Variants in TENM3 observed in about 807,000 individuals in gnomAD.
The protein encoded by TENM3 is teneurin-3.
In TENM3, 63 loss-of-function variants were observed where a neutral mutation model predicts 255.1. The observed-to-expected ratio is 0.25, with a 90% CI of 0.20 to 0.30. The LOEUF (loss-of-function observed/expected upper bound fraction) is 0.30, where lower values mean the gene tolerates loss of function less well. TENM3 is among the 10% of genes least tolerant of loss of function. TENM3 has a pLI of 1.00. For missense variants in TENM3, 2,929 were observed against 3,461.1 expected (o/e 0.85, Z 3.86); for synonymous variants, 1,306 against 1,322.3 (o/e 0.99, Z 0.27).
chr4:182,161,595 ATATACATATATATATATG>A, intron 1 of TENM3, among the ~76,000 whole-genome samples: 1 of 123,208 alleles, frequency 8.1e-6, no homozygotes, highest in Non-Finnish European at 1.6e-5. Flanking sequence ...CCAAATATAT[ATATACATATATATATATG>A]TATATATATA....
intron 3 of TENM3, among the ~76,000 whole-genome samples, chr4:182,521,738 G>C (rs536969563): frequency 3.5e-4 from 54 of 152,244 alleles, no homozygotes; most frequent in Non-Finnish European, 7.2e-4. Flanking sequence ...TGCTGCCTCA[G>C]TAGGATATTT....
chr4:181,651,346 T>A, the TENM3 span, among the ~76,000 whole-genome samples: 1 of 152,152 alleles, frequency 6.6e-6, no homozygotes, highest in African/African-American at 2.4e-5. Context: ...ACACCTGTAA[T>A]CCCAACACTT....
At chr4:182,346,168 C>T (rs1401978783) in intron 2 of TENM3, among the ~76,000 whole-genome samples, 2 of 152,022 alleles carry the variant, frequency 1.3e-5, no homozygotes, top group African/African-American at 4.8e-5. Context: ...GAAGAATGAC[C>T]AAGCTCCTGT....
chr4:182,133,790 A>G, the TENM3 span, among the ~76,000 whole-genome samples: 1 of 152,222 alleles, frequency 6.6e-6, no homozygotes, highest in Admixed American at 6.5e-5. Context: ...AAATAATTCA[A>G]TGACAGTTTT....
At chr4:182,695,520 A>C (rs1449767026) in intron 12 of TENM3, among the ~76,000 whole-genome samples, 1 of 152,124 alleles carries the variant, frequency 6.6e-6, no homozygotes, top group South Asian at 2.1e-4. Flanking sequence ...GTTTAGATTT[A>C]ATGGGATATG....
chr4:182,627,248 A>G (rs1326930504), intron 4 of TENM3, among the ~76,000 whole-genome samples: 1 of 152,120 alleles, frequency 6.6e-6, no homozygotes, highest in African/African-American at 2.4e-5. Context: ...ATATTAACTC[A>G]TTTAAGTTTC....
intron 3 of TENM3, among the ~76,000 whole-genome samples, chr4:182,429,770 C>T (rs1457566129): frequency 1.3e-5 from 2 of 152,196 alleles, no homozygotes; most frequent in African/African-American, 4.8e-5. Context: ...TTTATTTACT[C>T]AGTGCTTACA....
the TENM3 span, among the ~76,000 whole-genome samples, chr4:181,493,921 C>T: frequency 1.1e-3 from 171 of 152,144 alleles, no homozygotes; most frequent in Middle Eastern, 3.4e-3. Context: ...GAACAACCAC[C>T]GCAATAATAA....
chr4:182,635,748 T>G (rs1311054149), intron 5 of TENM3, among the ~76,000 whole-genome samples: 1 of 152,216 alleles, frequency 6.6e-6, no homozygotes, highest in Non-Finnish European at 1.5e-5. Flanking sequence ...ATTCCCTAGA[T>G]CTGGCAAAAC....
the TENM3 span, among the ~76,000 whole-genome samples, chr4:181,591,928 C>T: frequency 6.7e-6 from 1 of 149,636 alleles, no homozygotes; most frequent in African/African-American, 2.5e-5. Context: ...GGATGAATCT[C>T]AAAATAGCTA....
rs544829449 is a variant in TENM3 at position 182,740,027 on chromosome 4, C to T, written c.3379+1483C>T. Reference sequence around the variant, plus strand: ...CTCCAGCCTGAGTGACAGAGTGAGACTCCGTCTCAAAAAACAAAAAAGGAA... The same window carrying T: ...CTCCAGCCTGAGTGACAGAGTGAGATTCCGTCTCAAAAAACAAAAAAGGAA... On this transcript the variant is annotated intron_variant, in intron 18 of 27. Transcript: ENST00000511685. Among the ~76,000 whole-genome samples, 20 of 152,262 alleles carry T rather than the reference C, an allele frequency of 1.3e-4. 1 individual carries two copies. Among genetic ancestry groups the T allele is most frequent in the African/African-American group, 4.8e-4 (20 of 41,540 alleles).
At chr4:182,316,884 C>G (rs1762779870) in intron 1 of TENM3, among the ~76,000 whole-genome samples, 1 of 152,150 alleles carries the variant, frequency 6.6e-6, no homozygotes, top group Non-Finnish European at 1.5e-5. Flanking sequence ...TTCCTGGGTC[C>G]CCCTTCCTGT....
intron 3 of TENM3, among the ~76,000 whole-genome samples, chr4:182,418,080 T>A (rs1048821860): frequency 6.6e-6 from 1 of 152,188 alleles, no homozygotes; most frequent in African/African-American, 2.4e-5. Context: ...GTGCAGGTGC[T>A]AACATAAAAA....
rs147076817 is a variant in TENM3 at position 182,491,389 on chromosome 4, A to ATGTGTGTGTGTGTGTG, written c.512-109533_512-109518dup. ...TACTTTAAAAATTGCAGTGAAATTT[A>ATGTGTGTGTGTGTGTG]TGTGTGTGTGTGTGTGTCTTTTGTA... is the stretch of plus-strand genomic sequence containing the variant. On this transcript the variant is annotated intron_variant, in intron 3 of 27. Transcript: ENST00000511685. Among the ~76,000 whole-genome samples, 9 of 150,912 alleles carry ATGTGTGTGTGTGTGTG rather than the reference A, an allele frequency of 6.0e-5. No homozygotes were observed. The East Asian group carries it at 7.8e-4, about 13-fold the overall frequency.
At chr4:182,260,197 A>G (rs1052467793) in intron 1 of TENM3, among the ~76,000 whole-genome samples, 12 of 152,196 alleles carry the variant, frequency 7.9e-5, no homozygotes, top group Non-Finnish European at 4.4e-5. Context: ...TGGGATAAAC[A>G]TGGGAGCACA....
the TENM3 span, among the ~76,000 whole-genome samples, chr4:181,811,570 A>G: frequency 1.3e-5 from 2 of 152,368 alleles, no homozygotes; most frequent in African/African-American, 4.8e-5. Context: ...TGAAGGAAAG[A>G]GGTTTAATGG....
the TENM3 span, among the ~76,000 whole-genome samples, chr4:181,810,396 C>G: frequency 6.6e-6 from 1 of 152,014 alleles, no homozygotes; most frequent in Admixed American, 6.6e-5. Context: ...AAATAATGAA[C>G]GAATCTGAGT....
At chr4:182,195,791 G>C (rs1277503890) in intron 1 of TENM3, among the ~76,000 whole-genome samples, 1 of 152,048 alleles carries the variant, frequency 6.6e-6, no homozygotes, top group Non-Finnish European at 1.5e-5. Context: ...TAAAAGATTT[G>C]TACTCGTTAT....
At chr4:182,657,323 C>T (rs1360744564) in intron 6 of TENM3, among the ~76,000 whole-genome samples, 1 of 152,184 alleles carries the variant, frequency 6.6e-6, no homozygotes, top group Non-Finnish European at 1.5e-5. Context: ...TCCTGCTATA[C>T]TCAAACCCCT....
Sources: gnomAD v4.1 joint callset for allele counts (sites outside exome capture counted in the v4.1 genomes callset) on GRCh38, gnomAD v4.1.1 for gene constraint, MANE v1.5 for transcripts, NCBI Gene and HGNC (gene_info 2026-07-23, HGNC 2026-07-21) for gene names.